PSPC1: variants seen among roughly 807,000 people sequenced by gnomAD.
The protein encoded by PSPC1 is paraspeckle component 1, also known as paraspeckle protein 1.
A neutral mutation model predicts 51.6 loss-of-function variants in PSPC1; 14 were observed. That is an observed-to-expected ratio of 0.27 (90% CI 0.18 to 0.42). PSPC1 has a LOEUF of 0.42. Among genes scored for constraint, PSPC1 ranks in the 10% least tolerant of loss-of-function variants. The probability of loss-of-function intolerance (pLI) is 1.00; values close to 1 mark genes in which losing one functional copy is unlikely to be tolerated. For missense variants in PSPC1, 406 were observed against 701.1 expected, an observed-to-expected ratio of 0.58 and a Z score of 4.75; for synonymous variants, 193 against 231.9, an observed-to-expected ratio of 0.83 and a Z score of 1.53.
chr13:19,735,099 G>A (rs1228822705), intron 5 of PSPC1, among the ~76,000 whole-genome samples: 1 of 152,102 alleles, frequency 6.6e-6, no homozygotes, highest in African/African-American at 2.4e-5. Flanking sequence ...ATCATCTGAG[G>A]TCAAGGGTTT....
At chr13:19,720,730 T>G (rs1882667894) in intron 6 of PSPC1, among the ~76,000 whole-genome samples, 1 of 152,144 alleles carries the variant, frequency 6.6e-6, no homozygotes, top group South Asian at 2.1e-4. Context: ...ATGAAGAAGT[T>G]ATCTTAAGAA....
At chr13:19,750,326 G>A (rs1428691847) in intron 4 of PSPC1, among the ~76,000 whole-genome samples, 2 of 151,926 alleles carry the variant, frequency 1.3e-5, no homozygotes, top group Non-Finnish European at 2.9e-5. Context: ...CAGCTACTCG[G>A]GAGGCTGAGG....
chr13:19,730,969 A>AAAAAAAAAAAAAAAAAAAC (rs1884023504), intron 5 of PSPC1, among the ~76,000 whole-genome samples: 2 of 146,608 alleles, frequency 1.4e-5, no homozygotes, highest in Non-Finnish European at 1.5e-5. Context: ...AAAAAACAAA[A>AAAAAAAAAAAAAAAAAAAC]AAAAAAAAAA....
At chr13:19,777,118 T>TA (rs34432573) in intron 1 of PSPC1, among the ~76,000 whole-genome samples, 2,921 of 87,386 alleles carry the variant, frequency 0.033, 149 homozygotes, top group African/African-American at 0.1. Context: ...AGGCTCCATC[T>TA]AAAAAAAAAA....
intron 6 of PSPC1, among the ~76,000 whole-genome samples, chr13:19,721,318 T>C (rs1054203841): frequency 2.0e-5 from 3 of 152,176 alleles, no homozygotes; most frequent in East Asian, 1.9e-4. Flanking sequence ...CACTAGACAA[T>C]GCACAAGATA....
chr13:19,680,984 G>A (rs1289657506), intron 6 of PSPC1, among the ~76,000 whole-genome samples: 1 of 152,214 alleles, frequency 6.6e-6, no homozygotes, highest in African/African-American at 2.4e-5. Context: ...TTGGGAAGCT[G>A]ACACAGGAGG....
intron 1 of PSPC1, among the ~76,000 whole-genome samples, chr13:19,773,638 T>C (rs1338298024): frequency 2.6e-5 from 4 of 151,928 alleles, no homozygotes; most frequent in South Asian, 2.1e-4. Context: ...GTAAAAACTG[T>C]TAGTTCTTGG....
chr13:19,779,417 G>A (rs1322901154), intron 1 of PSPC1, among the ~76,000 whole-genome samples: 9 of 77,940 alleles, frequency 1.2e-4, no homozygotes, highest in African/African-American at 3.3e-4. Context: ...CGCCCCGTCC[G>A]GGAGGTGAGG....
In PSPC1 at chr13:19,745,852, G is replaced by A. The variant is rs371281034; in HGVS notation, c.968-4203C>T. ...GCCAGGATGGTCTCGATCTCCTGTC[G>A]GCATTAATGTTCTTTAATCATAAAC... On this transcript the variant is annotated intron_variant, in intron 4 of 8. Transcript: ENST00000338910. Among the ~76,000 whole-genome samples the A allele has an allele frequency of 9.9e-5, 15 of 151,606 alleles. No individual in the cohort carries two copies. In the South Asian group the frequency reaches 1.3e-3, roughly 13 times the overall value.
chr13:19,757,408 A>G lies in PSPC1; in HGVS notation c.770+1915T>C, dbSNP rs141195892. Among the ~76,000 whole-genome samples, 708 of 152,242 alleles carry G rather than the reference A, an allele frequency of 4.7e-3. 5 individuals carry two copies. The highest frequency in any genetic ancestry group is 0.027 in the South Asian group (128 of 4,826). On this transcript the variant is annotated intron_variant, in intron 3 of 8. Coordinates refer to ENST00000338910, the MANE Select transcript of PSPC1 (RefSeq NM_001354909.2). ...CAGGGCGAGAGTTCCGTGATCCCCA[A>G]TAGGTAGAGACTATGCCCCAAGTCA... is the stretch of plus-strand genomic sequence containing the variant.
intron 6 of PSPC1, among the ~76,000 whole-genome samples, chr13:19,691,673 C>CT (rs1429907224): frequency 6.6e-6 from 1 of 152,152 alleles, no homozygotes; most frequent in Non-Finnish European, 1.5e-5. Context: ...AATCCTAGCA[C>CT]TTTGGGAGGC....
At chr13:19,708,506 G>A (rs140375371) in intron 7 of PSPC1, among the ~76,000 whole-genome samples, 2,155 of 152,140 alleles carry the variant, frequency 0.014, 34 homozygotes, top group African/African-American at 0.047. Context: ...TAAGGCCTAC[G>A]ATATGCCACA....
At chr13:19,770,907 A>C (rs1002110423) in intron 2 of PSPC1, among the ~76,000 whole-genome samples, 36 of 151,570 alleles carry the variant, frequency 2.4e-4, no homozygotes, top group Admixed American at 5.9e-4. Flanking sequence ...AAAAAAAAAA[A>C]CAAACAAAAA....
downstream of PSPC1, among the ~76,000 whole-genome samples, chr13:19,701,037 T>G (rs1051840324): frequency 6.6e-6 from 1 of 152,280 alleles, no homozygotes; most frequent in Non-Finnish European, 1.5e-5. Flanking sequence ...CAGCGTAAAC[T>G]TGGTAAAGCC....
rs1890057156 is a variant in PSPC1, at chr13:19,782,263, C to T, written c.372+123G>A. On this transcript the variant is annotated intron_variant, in intron 1 of 8. Coordinates refer to ENST00000338910, the MANE Select transcript of PSPC1 (RefSeq NM_001354909.2). This position sits in a 1 kb window ranked among gnomAD's most constrained non-coding sequence, Gnocchi z 4.5. ...CCCCGCACAGAGGAATCGATGAGGC[C>T]GAGCGGCGCCACGGTTGCCACAGGT... 2 of 1,389,678 alleles carry T rather than the reference C, an allele frequency of 1.4e-6. No individual in the cohort carries two copies. Among genetic ancestry groups the T allele is most frequent in the Admixed American group, 2.7e-5 (1 of 37,036 alleles). The allele number at this position is 1,389,678 out of a possible 1,614,324, so 86.1% of individuals were successfully genotyped here. A position where few individuals can be genotyped will look rare whatever the true frequency, so the allele number is the denominator to read the frequency against.
At chr13:19,698,389 A>T (rs1474051711), downstream of PSPC1, among the ~76,000 whole-genome samples, 2 of 152,016 alleles carry the variant, frequency 1.3e-5, no homozygotes, top group Non-Finnish European at 2.9e-5. Flanking sequence ...AAAGCATTTA[A>T]AAAATATAAG....
intron 6 of PSPC1, among the ~76,000 whole-genome samples, chr13:19,691,724 G>A (rs1437790407): frequency 6.6e-6 from 1 of 152,132 alleles, no homozygotes; most frequent in Admixed American, 6.5e-5. Flanking sequence ...TTCAAGACCA[G>A]CCTGGCCAAC....
chr13:19,686,493 A>G (rs1402517886), intron 6 of PSPC1, among the ~76,000 whole-genome samples: 1 of 152,216 alleles, frequency 6.6e-6, no homozygotes, highest in African/African-American at 2.4e-5. Context: ...AAGAATATAT[A>G]CATCTATGAA....
At chr13:19,762,772 T>A (rs753202178) in intron 2 of PSPC1, among the ~76,000 whole-genome samples, 12 of 152,188 alleles carry the variant, frequency 7.9e-5, no homozygotes, top group Non-Finnish European at 1.8e-4. Context: ...TTCTGACTCA[T>A]CTTGTTTATT....
Sources: allele counts gnomAD v4.1 joint callset (sites outside exome capture counted in the v4.1 genomes callset), GRCh38; gene constraint gnomAD v4.1.1; non-coding constraint Gnocchi (gnomAD v3.1); transcripts MANE v1.5; gene names NCBI Gene and HGNC (gene_info 2026-07-23, HGNC 2026-07-21).